The following CACNA2D1 variants were observed in gnomAD, a reference collection of about 807,000 sequenced individuals.
CACNA2D1 encodes calcium voltage-gated channel auxiliary subunit alpha2delta 1.
Under a neutral mutation model 171.5 loss-of-function variants are expected in CACNA2D1, and 53 were observed. The ratio of observed to expected loss-of-function variants is 0.31; its 90% CI spans 0.25 to 0.39. CACNA2D1 has a LOEUF of 0.39. Among genes scored for constraint, CACNA2D1 ranks in the 10% least tolerant of loss-of-function variants. The pLI, the probability that CACNA2D1 is intolerant of heterozygous loss-of-function variation, is 1.00. For missense variants in CACNA2D1, 903 were observed against 1,299.8 expected, an observed-to-expected ratio of 0.69 and a Z score of 4.69; for synonymous variants, 442 against 443.1, an observed-to-expected ratio of 1.00 and a Z score of 0.03.
At chr7:82,139,677 A>T (rs572493417) in intron 4 of CACNA2D1, among the ~76,000 whole-genome samples, 9 of 152,306 alleles carry the variant, frequency 5.9e-5, no homozygotes, top group African/African-American at 2.2e-4. Context: ...TGAGTTTTTA[A>T]GTAAACTGAA....
intron 3 of CACNA2D1, among the ~76,000 whole-genome samples, chr7:82,247,557 G>T (rs1805082089): frequency 6.6e-6 from 1 of 151,618 alleles, no homozygotes; most frequent in South Asian, 2.1e-4. Context: ...CTTCTCACAA[G>T]ACCCACTGAG....
In CACNA2D1 at chr7:81,964,095, T is replaced by C; in HGVS notation, c.2741A>G (p.Asp914Gly). The C allele has an allele frequency of 1.9e-6, 3 of 1,612,276 alleles. No homozygotes were observed. The highest frequency in any genetic ancestry group is 2.5e-6 in the Non-Finnish European group (3 of 1,178,940). ...HRSAYVPSVA[D>G]ILQIGWWATA... ...GGCCCACCAGCCAATTTGTAATATG[T>C]CTGCTACTGATGGCTATAAAATAAA... Residue 914 changes from aspartate (D) to glycine (G), a missense_variant, in exon 34 of 39, where the codon GAC becomes GGC. By Grantham distance (94) the Asp-to-Gly change is moderately conservative. Around this residue, in one of 5 missense-constraint regions of CACNA2D1, gnomAD observed 623 missense variants for 925.5 expected, o/e 0.67. Transcript: ENST00000356860.
intron 3 of CACNA2D1, among the ~76,000 whole-genome samples, chr7:82,330,413 A>G (rs1563377695): frequency 6.6e-6 from 1 of 152,226 alleles, no homozygotes; most frequent in East Asian, 1.9e-4. Flanking sequence ...AAAACCCTCC[A>G]CTTTTTAACT....
At chr7:82,210,849 A>G (rs1046992240) in intron 3 of CACNA2D1, among the ~76,000 whole-genome samples, 1 of 152,204 alleles carries the variant, frequency 6.6e-6, no homozygotes, top group Non-Finnish European at 1.5e-5. Flanking sequence ...AACTTATGAA[A>G]TAATATAGAA....
chr7:82,210,708 A>T (rs1800463441), intron 3 of CACNA2D1, among the ~76,000 whole-genome samples: 1 of 152,168 alleles, frequency 6.6e-6, no homozygotes, highest in Admixed American at 6.6e-5. Context: ...TGAGCTAGTA[A>T]TTTCTCTCTG....
At chr7:81,988,019 G>A (rs946718827) in intron 21 of CACNA2D1, among the ~76,000 whole-genome samples, 10 of 152,128 alleles carry the variant, frequency 6.6e-5, no homozygotes, top group African/African-American at 2.2e-4. Flanking sequence ...CGGAAAAGAG[G>A]TTGAGCATAG....
intron 3 of CACNA2D1, among the ~76,000 whole-genome samples, chr7:82,317,485 G>A (rs1253301871): frequency 6.6e-6 from 1 of 152,148 alleles, no homozygotes; most frequent in African/African-American, 2.4e-5. Context: ...GAAAAATGTT[G>A]TTTCAAATCA....
At chr7:82,288,352 G>A (rs1471421600) in intron 3 of CACNA2D1, among the ~76,000 whole-genome samples, 5 of 151,406 alleles carry the variant, frequency 3.3e-5, no homozygotes, top group African/African-American at 1.2e-4. Flanking sequence ...AGATTGTTTG[G>A]GGCAGTTAAG....
At chr7:82,092,497 C>T (rs922407144) in intron 6 of CACNA2D1, among the ~76,000 whole-genome samples, 115 of 151,280 alleles carry the variant, frequency 7.6e-4, no homozygotes, top group African/African-American at 2.6e-3. Flanking sequence ...CTCAGCCTCC[C>T]GAGTAATTGG....
intron 1 of CACNA2D1, among the ~76,000 whole-genome samples, chr7:82,401,218 A>T (rs977569246): frequency 2.0e-5 from 3 of 152,214 alleles, no homozygotes; most frequent in Admixed American, 2.0e-4. Flanking sequence ...ATATACCCAA[A>T]GGACTATAAA....
At chr7:82,249,617 A>G (rs1223955648) in intron 3 of CACNA2D1, among the ~76,000 whole-genome samples, 1 of 152,214 alleles carries the variant, frequency 6.6e-6, no homozygotes, top group Admixed American at 6.5e-5. Flanking sequence ...TAAACCTGAA[A>G]TCATCCTTTT....
At chr7:82,054,568 T>C (rs183961237) in intron 10 of CACNA2D1, among the ~76,000 whole-genome samples, 2 of 152,352 alleles carry the variant, frequency 1.3e-5, no homozygotes, top group Non-Finnish European at 2.9e-5. Flanking sequence ...TCTCTAAGTC[T>C]TTCCTAGAGT....
At chr7:82,306,103 T>A (rs549137070) in intron 3 of CACNA2D1, among the ~76,000 whole-genome samples, 4 of 152,354 alleles carry the variant, frequency 2.6e-5, no homozygotes, top group African/African-American at 9.6e-5. Flanking sequence ...CTCCCAGAAA[T>A]AGTCATGTGT....
chr7:82,303,816 TAAGGCCAGGACCTTAAA>T (rs1479278225), intron 3 of CACNA2D1, among the ~76,000 whole-genome samples: 1 of 152,108 alleles, frequency 6.6e-6, no homozygotes, highest in Non-Finnish European at 1.5e-5. Flanking sequence ...GCAACAATTC[TAAGGCCAGGACCTTAAA>T]AACACAGGCA....
chr7:82,381,696 A>C lies in CACNA2D1; in HGVS notation c.96-32047T>G, dbSNP rs186955248. 1.7e-3 allele frequency among the ~76,000 whole-genome samples: 263 copies of C among 151,902 alleles called. 1 individual carries two copies. The highest frequency in any genetic ancestry group is 6.1e-3 in the African/African-American group (251 of 41,376). On this transcript the variant is annotated intron_variant, in intron 1 of 38. Transcript: ENST00000356860. Reference sequence around the variant, plus strand: ...CTCATCTTAAGCACCAGGAAAAAATACTTGAGCTCCCTTATGCAATTAGTA... The same window carrying C: ...CTCATCTTAAGCACCAGGAAAAAATCCTTGAGCTCCCTTATGCAATTAGTA...
intron 3 of CACNA2D1, among the ~76,000 whole-genome samples, chr7:82,289,101 T>C (rs1811205150): frequency 6.6e-6 from 1 of 152,214 alleles, no homozygotes; most frequent in Non-Finnish European, 1.5e-5. Flanking sequence ...TATCTATTTG[T>C]CCTTTATAAA....
intron 3 of CACNA2D1, among the ~76,000 whole-genome samples, chr7:82,224,027 G>A (rs1448026297): frequency 6.6e-6 from 1 of 152,080 alleles, no homozygotes; most frequent in Non-Finnish European, 1.5e-5. Context: ...TGCCTGGAAC[G>A]TGCTTCCCTT....
At chr7:82,280,186 A>T (rs1259927713) in intron 3 of CACNA2D1, among the ~76,000 whole-genome samples, 1 of 152,340 alleles carries the variant, frequency 6.6e-6, no homozygotes, top group East Asian at 1.9e-4. Context: ...TGTTACTTGT[A>T]TGATATTTTA....
Position 81,962,009 on chromosome 7 carries a change from C to G in CACNA2D1, c.2851G>C (p.Asp951His). ...TTGGACAGGGAGGCCGTGAAGTCAT[C>G]ATCCTCCATCTCAACTTGGGTGGCG... The part of the protein sequence containing the change: ...RLLEAVEMED[D>H]DFTASLSKQS... The change falls in exon 36 of 39, where the codon GAT (aspartate) becomes CAT (histidine). Residue 951 changes from aspartate (D) to histidine (H), a missense_variant. By Grantham distance (81) the Asp-to-His change is moderately conservative (BLOSUM62 -1). Around this residue, in one of 5 missense-constraint regions of CACNA2D1, gnomAD observed 623 missense variants for 925.5 expected, o/e 0.67. Transcript: ENST00000356860. The G allele has an allele frequency of 6.2e-7, 1 of 1,612,470 alleles. No individual in the cohort carries two copies. The highest frequency in any genetic ancestry group is 1.1e-5 in the South Asian group (1 of 91,048).
Sources: gnomAD v4.1 joint callset for allele counts (sites outside exome capture counted in the v4.1 genomes callset) on GRCh38, gnomAD v4.1.1 for gene constraint, gnomAD v4.1.1 regional missense constraint, MANE v1.5 for transcripts, NCBI Gene and HGNC (gene_info 2026-07-23, HGNC 2026-07-21) for gene names.